DNAH3: variants seen among roughly 807,000 people sequenced by gnomAD.
DNAH3 encodes the protein dynein axonemal heavy chain 3.
Under a neutral mutation model 432.5 loss-of-function variants are expected in DNAH3, and 332 were observed. That is an observed-to-expected ratio of 0.77 (90% CI 0.70 to 0.84). The LOEUF (loss-of-function observed/expected upper bound fraction) is 0.84, where lower values mean the gene tolerates loss of function less well. DNAH3 is among the 40% of genes least tolerant of loss of function. The pLI, the probability that DNAH3 is intolerant of heterozygous loss-of-function variation, is 0.00. For synonymous variants in DNAH3, 1,956 were observed against 1,900.2 expected, an observed-to-expected ratio of 1.03 and a Z score of -0.76; for missense variants, 4,861 against 5,114.0, an observed-to-expected ratio of 0.95 and a Z score of 1.51.
chr16:21,008,984 C>T (rs375805840), intron 41 of DNAH3, among the ~76,000 whole-genome samples: 4 of 152,150 alleles, frequency 2.6e-5, no homozygotes, highest in Admixed American at 1.3e-4. Flanking sequence ...GCAGCCTTAC[C>T]TAGAAGTAAA....
chr16:20,967,808 G>A (rs188944000), intron 52 of DNAH3, among the ~76,000 whole-genome samples: 23 of 151,922 alleles, frequency 1.5e-4, no homozygotes, highest in South Asian at 4.2e-4. Context: ...GCACCTGGCC[G>A]ACTTCTGCAT....
At chr16:21,134,781 G>C (rs1385600474) in intron 6 of DNAH3, among the ~76,000 whole-genome samples, 1 of 152,028 alleles carries the variant, frequency 6.6e-6, no homozygotes, top group African/African-American at 2.4e-5. Context: ...CCGCCTCCTA[G>C]GTTCAAGCCA....
chr16:20,997,231 C>T (rs376089758), intron 44 of DNAH3, 52 bp downstream of exon 44: 1 of 1,581,958 alleles, frequency 6.3e-7, no homozygotes, highest in Non-Finnish European at 8.6e-7. Flanking sequence ...AAAGGTGGCC[C>T]AGCTCTGCTG....
chr16:21,046,231 G>T (rs1366287101), intron 31 of DNAH3, among the ~76,000 whole-genome samples: 1 of 139,662 alleles, frequency 7.2e-6, no homozygotes. Context: ...GGGTATCCTT[G>T]TTGACTTTCT....
chr16:20,977,922 C>T (rs2085669786), intron 50 of DNAH3, among the ~76,000 whole-genome samples: 1 of 152,232 alleles, frequency 6.6e-6, no homozygotes, highest in South Asian at 2.1e-4. Context: ...CCACTCAAAT[C>T]CCCAGGAACA....
chr16:21,139,430 G>T (rs1469690435), intron 5 of DNAH3, among the ~76,000 whole-genome samples: 2 of 146,614 alleles, frequency 1.4e-5, no homozygotes, highest in African/African-American at 5.1e-5. Flanking sequence ...GTCAGAGAAG[G>T]GGACCAAGGG....
Position 21,010,888 on chromosome 16 carries a change from GTTT to G in DNAH3, c.6023-7684_6023-7682del, listed in dbSNP as rs200472753. On this transcript the variant is annotated intron_variant, in intron 41 of 61. Coordinates refer to ENST00000261383, the Ensembl canonical transcript of DNAH3. ...GAACCACCACGCCCGGCCAAAACCT[GTTT>G]TTTTTTTTTTGTTTTTTTTTGTTTT... 1.9e-4 allele frequency among the ~76,000 whole-genome samples: 27 copies of G among 138,834 alleles called. No homozygotes were observed. The East Asian group carries it at 3.2e-3, about 16-fold the overall frequency. The allele number at this position is 138,834 out of a possible 152,430, so 91.1% of individuals were successfully genotyped here. A position where few individuals can be genotyped will look rare whatever the true frequency, so the allele number is the denominator to read the frequency against.
rs567069006 is a variant in DNAH3, at chr16:21,118,867, C to T, written c.1700-1550G>A. On this transcript the variant is annotated intron_variant, in intron 11 of 61. Transcript: ENST00000261383. Reference sequence around the variant, plus strand: ...GCTCATGCAGGCTGCAAAGTTCCTGCCTGGGACCCATTGTCTTCCATTGTC... The same window carrying T: ...GCTCATGCAGGCTGCAAAGTTCCTGTCTGGGACCCATTGTCTTCCATTGTC... Among the ~76,000 whole-genome samples, 3 of 152,292 alleles carry T rather than the reference C, an allele frequency of 2.0e-5. No homozygotes were observed. The East Asian group carries it at 5.8e-4, about 29-fold the overall frequency.
chr16:21,114,294 T>A (rs1052950418), intron 12 of DNAH3, among the ~76,000 whole-genome samples: 1 of 152,158 alleles, frequency 6.6e-6, no homozygotes, highest in African/African-American at 2.4e-5. Context: ...CTAATTAACC[T>A]AAAATCTATT....
intron 8 of DNAH3, among the ~76,000 whole-genome samples, 159 bp from the exon 10 acceptor site, chr16:21,125,529 A>G (rs2092430910): frequency 6.6e-6 from 1 of 152,244 alleles, no homozygotes; most frequent in Non-Finnish European, 1.5e-5. Flanking sequence ...CTTACCTGCC[A>G]TGCCTCTTTC....
In DNAH3 at chr16:21,062,462, A is replaced by C; in HGVS notation, c.3720+20T>G. On this transcript the variant is annotated intron_variant, in intron 25 of 61. Coordinates refer to ENST00000261383, the Ensembl canonical transcript of DNAH3. ...ACTCTGTTATGGAGAAAAGAACCAA[A>C]AATGGGTAAGAGGAGTTACCTTGGC... 6.2e-7 allele frequency: 1 copy of C among 1,611,696 alleles called. No individual in the cohort carries two copies. The highest frequency in any genetic ancestry group is 1.1e-5 in the South Asian group (1 of 90,958).
chr16:21,011,995 C>A (rs1439982539), intron 41 of DNAH3, among the ~76,000 whole-genome samples: 1 of 152,140 alleles, frequency 6.6e-6, no homozygotes, highest in African/African-American at 2.4e-5. Context: ...AAAGAAGTTG[C>A]TCAAAGTCAC....
At chr16:20,972,997 G>C (rs1277532424) in intron 51 of DNAH3, among the ~76,000 whole-genome samples, 2 of 152,062 alleles carry the variant, frequency 1.3e-5, no homozygotes, top group East Asian at 3.9e-4. Context: ...CTAAAGTGTT[G>C]GGATTACAGG....
At chr16:20,984,983 C>T (rs2086117636) in intron 48 of DNAH3, 66 bp downstream of exon 48, 9 of 1,357,978 alleles carry the variant, frequency 6.6e-6, no homozygotes, top group Non-Finnish European at 9.1e-6. Flanking sequence ...TTGGCCTGCT[C>T]AGGGCACTCA....
At chr16:20,987,878 C>T (rs1233016543) in intron 45 of DNAH3, 29 bp from the exon 46 acceptor site, 2 of 1,613,966 alleles carry the variant, frequency 1.2e-6, no homozygotes, top group Non-Finnish European at 1.7e-6. Context: ...GCACAGTAGT[C>T]AAGGAGGGGC....
rs761812541 is a variant in DNAH3, at chr16:20,935,502, A to G, written c.11860-17T>C. 1 of 1,607,532 alleles carries G rather than the reference A, an allele frequency of 6.2e-7. No homozygotes were observed. Among genetic ancestry groups the G allele is most frequent in the South Asian group, 1.1e-5 (1 of 89,490 alleles). On this transcript the variant is annotated splice_polypyrimidine_tract_variant and intron_variant, in intron 60 of 61. Coordinates refer to ENST00000261383, the Ensembl canonical transcript of DNAH3. ...AATCCATTCCTGGAGAGCCACAGAA[A>G]TCAAGATTCAAAATCAACAACACAT... is the stretch of plus-strand genomic sequence containing the variant.
rs1448823490 is a variant in DNAH3 at position 20,933,522 on chromosome 16, A to T, written c.11998-15T>A. ...TGTGGGGTTACCTGGAAGAATAAAA[A>T]GCTATGAGCTCCATTGCCTGCCATT... On this transcript the variant is annotated splice_polypyrimidine_tract_variant and intron_variant, in intron 61 of 61. Transcript: ENST00000261383. The T allele has an allele frequency of 6.4e-7, 1 of 1,551,294 alleles. No individual in the cohort carries two copies. Among genetic ancestry groups the T allele is most frequent in the East Asian group, 2.3e-5 (1 of 44,300 alleles).
At chr16:20,958,979 G>A (rs2084692362) in intron 54 of DNAH3, among the ~76,000 whole-genome samples, 200 bp downstream of exon 54, 1 of 152,100 alleles carries the variant, frequency 6.6e-6, no homozygotes, top group Non-Finnish European at 1.5e-5. Flanking sequence ...TGTTGGCCAG[G>A]CTAGTTTCGA....
At chr16:21,087,377 T>A (rs988947840) in intron 18 of DNAH3, among the ~76,000 whole-genome samples, 1 of 152,284 alleles carries the variant, frequency 6.6e-6, no homozygotes, top group East Asian at 1.9e-4. Context: ...AGCATATCAA[T>A]AGCTTTTTGT....
Sources: allele counts gnomAD v4.1 joint callset (sites outside exome capture counted in the v4.1 genomes callset), GRCh38; gene constraint gnomAD v4.1.1; transcripts MANE v1.5; gene names NCBI Gene and HGNC (gene_info 2026-07-23, HGNC 2026-07-21).